Variants in PAPOLA observed in about 807,000 individuals in gnomAD.
PAPOLA encodes the protein poly(A) polymerase alpha, also known as polynucleotide adenylyltransferase alpha.
A neutral mutation model predicts 100.6 loss-of-function variants in PAPOLA; 15 were observed. The observed-to-expected ratio is 0.15, with a 90% CI of 0.10 to 0.23. The LOEUF is 0.23. PAPOLA is among the 10% of genes least tolerant of loss of function. The probability of loss-of-function intolerance (pLI) is 1.00; values close to 1 mark genes in which losing one functional copy is unlikely to be tolerated. For missense variants in PAPOLA, 533 were observed against 884.2 expected (o/e 0.60, Z 5.04); for synonymous variants, 293 against 300.0 (o/e 0.98, Z 0.24).
In PAPOLA at chr14:96,510,419, CT is replaced by C. The variant is rs766854463; in HGVS notation, c.8+7835del. On this transcript the variant is annotated intron_variant, in intron 1 of 21. Coordinates refer to ENST00000216277, the MANE Select transcript of PAPOLA (RefSeq NM_032632.5). ...GTTGATGTAGCAGTGTACAATTTGG[CT>C]TTTTTTTTTTTTTTTAAGTTTCTCC... Among the ~76,000 whole-genome samples, 1,021 of 125,746 alleles carry C rather than the reference CT, an allele frequency of 8.1e-3. 1 individual carries two copies. Among genetic ancestry groups the C allele is most frequent in the Middle Eastern group, 0.03 (7 of 232 alleles). The allele number at this position is 125,746 out of a possible 152,430, so 82.5% of individuals were successfully genotyped here. A position where few individuals can be genotyped will look rare whatever the true frequency, so the allele number is the denominator to read the frequency against.
At chr14:96,533,411 T>C in intron 9 of PAPOLA, 1 of 981,990 alleles carries the variant, frequency 1.0e-6, no homozygotes, top group African/African-American at 1.7e-5. Flanking sequence ...TGAGACAATT[T>C]AGAGCTGTGT....
chr14:96,513,132 C>T (rs1412232350), intron 1 of PAPOLA, among the ~76,000 whole-genome samples: 2 of 152,184 alleles, frequency 1.3e-5, no homozygotes, highest in African/African-American at 4.8e-5. Flanking sequence ...GGTGTGATCA[C>T]AGATCACTAC....
At chr14:96,535,258 A>G (rs1247551910) in intron 10 of PAPOLA, 1 of 938,290 alleles carries the variant, frequency 1.1e-6, no homozygotes, top group African/African-American at 1.8e-5. Context: ...GTTGAATTAC[A>G]TCAAGCTATG....
At position 96,564,988 on chromosome 14, in the gene PAPOLA, G is replaced by C; in HGVS notation, c.2176G>C (p.Ala726Pro). 6.2e-7 allele frequency: 1 copy of C among 1,600,316 alleles called. No homozygotes were observed. ...CAGTACAGACCTTTCTGATATCCCT[G>C]CTCTCCCTGCAAATCCTATTCCTGT... ...TSSTDLSDIP[A>P]LPANPIPVIK... The change falls in exon 22 of 22, where the codon GCT (alanine) becomes CCT (proline). Residue 726 changes from alanine to proline, a missense_variant. Ala to Pro is a conservative substitution (Grantham distance 27). Around this residue, in one of 9 missense-constraint regions of PAPOLA, gnomAD observed 242 missense variants for 281.0 expected, o/e 0.86. Coordinates refer to ENST00000216277, the MANE Select transcript of PAPOLA (RefSeq NM_032632.5).
chr14:96,534,776 C>T (rs1387911906), intron 10 of PAPOLA: 60 of 1,315,216 alleles, frequency 4.6e-5, no homozygotes, highest in Non-Finnish European at 5.8e-5. Context: ...TTTAATTGTA[C>T]ATAGTTTTTA....
chr14:96,551,099 T>G lies in PAPOLA; in HGVS notation c.1522-1381T>G, dbSNP rs144647089. Reference sequence around the variant, plus strand: ...AAAATTATGATAGAATATTTATGACTATTTGGCTTTGAGGTCTCTTGCTAC... The same window carrying G: ...AAAATTATGATAGAATATTTATGACGATTTGGCTTTGAGGTCTCTTGCTAC... On this transcript the variant is annotated intron_variant, in intron 16 of 21. Transcript: ENST00000216277. Among the ~76,000 whole-genome samples the G allele has an allele frequency of 5.2e-3, 796 of 152,322 alleles. 7 individuals carry two copies. The highest frequency in any genetic ancestry group is 8.9e-3 in the Non-Finnish European group (603 of 68,012).
At chr14:96,561,576 T>G (rs1476565926) in intron 20 of PAPOLA, among the ~76,000 whole-genome samples, 1 of 152,234 alleles carries the variant, frequency 6.6e-6, no homozygotes, top group African/African-American at 2.4e-5. Context: ...AGCAATTATT[T>G]CCATTTAAAA....
In PAPOLA at chr14:96,527,939, T is replaced by A. The variant is rs563055312; in HGVS notation, c.442-14T>A. ...TAGTTTCAGAGACCCTGAACTTGTTTACTTTCCTTATAGGCTGTTGAAGAG... is the reference window on the plus strand; with the variant it reads ...TAGTTTCAGAGACCCTGAACTTGTTAACTTTCCTTATAGGCTGTTGAAGAG... On this transcript the variant is annotated splice_polypyrimidine_tract_variant and intron_variant, in intron 5 of 21. Coordinates refer to ENST00000216277, the MANE Select transcript of PAPOLA (RefSeq NM_032632.5). The A allele has an allele frequency of 6.3e-7, 1 of 1,595,420 alleles. No homozygotes were observed. The highest frequency in any genetic ancestry group is 1.7e-4 in the Middle Eastern group (1 of 6,030).
rs1446851978 is a variant in PAPOLA, at chr14:96,531,606, CT to C, written c.607+24del. 17 of 1,581,058 alleles carry C rather than the reference CT, an allele frequency of 1.1e-5. No homozygotes were observed. Among genetic ancestry groups the C allele is most frequent in the African/African-American group, 1.4e-5 (1 of 74,058 alleles). Reference sequence around the variant, plus strand: ...TTAACGGTATGAGAAAGCCTACTTCCTTTTGTGTACTTCAGTTTTTGTCAGA... The same window carrying C: ...TTAACGGTATGAGAAAGCCTACTTCCTTTGTGTACTTCAGTTTTTGTCAGA... On this transcript the variant is annotated intron_variant, in intron 7 of 21. Coordinates refer to ENST00000216277, the MANE Select transcript of PAPOLA (RefSeq NM_032632.5).
rs113891738 is a variant in PAPOLA, at chr14:96,536,176, G to A, written c.1030+177G>A. 1.8e-3 allele frequency among the ~76,000 whole-genome samples: 268 copies of A among 152,112 alleles called. 3 individuals carry two copies. The highest frequency in any genetic ancestry group is 6.3e-3 in the African/African-American group (262 of 41,512). Reference sequence around the variant, plus strand: ...GACTTCAAAAAATTAATTCCTTTTAGGCAATTTGTTTTTTATAACAAGTTG... The same window carrying A: ...GACTTCAAAAAATTAATTCCTTTTAAGCAATTTGTTTTTTATAACAAGTTG... On this transcript the variant is annotated intron_variant, in intron 11 of 21. Transcript: ENST00000216277.
At chr14:96,527,199 C>T (rs1027466491) in intron 4 of PAPOLA, 37 of 463,592 alleles carry the variant, frequency 8.0e-5, no homozygotes, top group Middle Eastern at 1.1e-3. Context: ...TTTGGGCTCC[C>T]AGTTTACTTG....
At chr14:96,527,359 C>A in intron 4 of PAPOLA, 71 bp from the exon 5 acceptor site, 2 of 891,684 alleles carry the variant, frequency 2.2e-6, no homozygotes, top group Non-Finnish European at 3.7e-6. Flanking sequence ...ACATCAAATA[C>A]TACCATGATA....
chr14:96,534,123 G>A, intron 9 of PAPOLA: 1 of 1,015,732 alleles, frequency 9.8e-7, no homozygotes, highest in East Asian at 9.3e-5. Context: ...ACTTGACTTT[G>A]GATGGAACTA....
At chr14:96,514,872 A>G (rs1427070107) in intron 1 of PAPOLA, among the ~76,000 whole-genome samples, 5 of 152,224 alleles carry the variant, frequency 3.3e-5, no homozygotes, top group African/African-American at 1.2e-4. Flanking sequence ...GGCAGAATTG[A>G]AACCAGAGTA....
intron 5 of PAPOLA, 47 bp from the exon 6 acceptor site, chr14:96,527,906 T>A (rs912908476): frequency 7.4e-7 from 1 of 1,357,524 alleles, no homozygotes; most frequent in Non-Finnish European, 1.1e-6. Flanking sequence ...TAGTAGAGGC[T>A]TAAAATGTAG....
intron 20 of PAPOLA, 79 bp downstream of exon 20, chr14:96,560,790 A>G: frequency 1.0e-6 from 1 of 955,812 alleles, no homozygotes; most frequent in Non-Finnish European, 1.6e-6. Context: ...AAAATATTGT[A>G]TTTTTGTGCT....
At chr14:96,536,069 G>A in intron 11 of PAPOLA, 70 bp downstream of exon 11, 2 of 1,158,836 alleles carry the variant, frequency 1.7e-6, no homozygotes, top group South Asian at 2.9e-5. Flanking sequence ...CCAGTAGTCA[G>A]CTGTGCAACT....
intron 5 of PAPOLA, 80 bp from the exon 6 acceptor site, chr14:96,527,873 G>T (rs1898630512): frequency 1.1e-6 from 1 of 909,464 alleles, no homozygotes; most frequent in Non-Finnish European, 1.9e-6. Context: ...TTTGTGTCAG[G>T]TGTTTTGCTA....
At chr14:96,518,882 C>T (rs554911755) in intron 1 of PAPOLA, among the ~76,000 whole-genome samples, 136 of 151,846 alleles carry the variant, frequency 9.0e-4, no homozygotes, top group Non-Finnish European at 2.2e-4. Context: ...CATGGTGAAA[C>T]CCTGTCTCTA....
Sources: allele counts gnomAD v4.1 joint callset (sites outside exome capture counted in the v4.1 genomes callset), GRCh38; gene constraint gnomAD v4.1.1; regional missense constraint gnomAD v4.1.1; transcripts MANE v1.5; gene names NCBI Gene and HGNC (gene_info 2026-07-23, HGNC 2026-07-21).